Variants in CELF6 observed in about 807,000 individuals in gnomAD.
The protein encoded by CELF6 is Bruno -like 6, RNA binding protein.
In CELF6, 32 loss-of-function variants were observed where a neutral mutation model predicts 53.1. The ratio of observed to expected loss-of-function variants is 0.60; its 90% CI spans 0.46 to 0.81. The LOEUF (loss-of-function observed/expected upper bound fraction) is 0.81, where lower values mean the gene tolerates loss of function less well. CELF6 is among the 30% of genes least tolerant of loss of function. The probability of loss-of-function intolerance (pLI) is 0.00; values close to 1 mark genes in which losing one functional copy is unlikely to be tolerated. For synonymous variants in CELF6, 291 were observed against 288.8 expected, an observed-to-expected ratio of 1.01 and a Z score of -0.08; for missense variants, 539 against 669.5, an observed-to-expected ratio of 0.81 and a Z score of 2.15.
At position 72,287,310 on chromosome 15, in the gene CELF6, G is replaced by T; in HGVS notation, c.1401C>A (p.Leu467=). ...CCTTGGGCCGCTTTAGCTGGACCTTGAGCCTCTTCATGCCAATTTGAAAGC... is the reference window on the plus strand; with the variant it reads ...CCTTGGGCCGCTTTAGCTGGACCTTTAGCCTCTTCATGCCAATTTGAAAGC... ...MNGFQIGMKR[L]KVQLKRPKDA... Residue 467 remains leucine (L), a synonymous_variant, in exon 12 of 13, where the codon CTC becomes CTA. Coordinates refer to ENST00000287202, the MANE Select transcript of CELF6 (RefSeq NM_052840.5). The T allele has an allele frequency of 6.2e-7, 1 of 1,614,194 alleles. No homozygotes were observed. Among genetic ancestry groups the T allele is most frequent in the South Asian group, 1.1e-5 (1 of 91,084 alleles).
chr15:72,290,820 G>C (rs1429927503), intron 3 of CELF6, among the ~76,000 whole-genome samples: 1 of 152,066 alleles, frequency 6.6e-6, no homozygotes, highest in Non-Finnish European at 1.5e-5. Context: ...CTCATCTTTA[G>C]GCACTGAGCA....
chr15:72,314,589 G>GTTTTTTT (rs984879836), intron 2 of CELF6, among the ~76,000 whole-genome samples: 4 of 97,842 alleles, frequency 4.1e-5, no homozygotes, highest in Non-Finnish European at 5.7e-5. Flanking sequence ...AAAACCCAGT[G>GTTTTTTT]TTTTTTTTTT....
At chr15:72,311,836 T>C (rs1231064874) in intron 2 of CELF6, among the ~76,000 whole-genome samples, 1 of 152,336 alleles carries the variant, frequency 6.6e-6, no homozygotes, top group East Asian at 1.9e-4. Context: ...TGAGAAAAAA[T>C]GTGCCCTTTC....
chr15:72,307,375 C>A (rs770525974), intron 2 of CELF6, among the ~76,000 whole-genome samples: 1 of 152,206 alleles, frequency 6.6e-6, no homozygotes, highest in Non-Finnish European at 1.5e-5. Flanking sequence ...CTGTGATGAG[C>A]CCCAGGCAGC....
rs757176882 is a variant in CELF6, at chr15:72,289,230, A to C, written c.938T>G (p.Ile313Ser). 5.1e-6 allele frequency: 8 copies of C among 1,576,494 alleles called. No homozygotes were observed. The highest frequency in any genetic ancestry group is 1.7e-4 in the Middle Eastern group (1 of 5,956). ...PGTLPGLPAP[I>S]GVNGFGPLTP... is the part of the protein sequence containing the mutation. ...CAGAGGGCCGAATCCATTGACCCCGATGGGCGCCGGAAGACCTGGGAGGGT... is the reference window on the plus strand; with the variant it reads ...CAGAGGGCCGAATCCATTGACCCCGCTGGGCGCCGGAAGACCTGGGAGGGT... The change falls in exon 8 of 13, where the codon ATC becomes AGC. Residue 313 changes from isoleucine to serine, a missense_variant. Ile to Ser is a moderately radical substitution (Grantham distance 142). Around this residue, in one of 3 missense-constraint regions of CELF6, gnomAD observed 358 missense variants for 412.8 expected, o/e 0.87. Coordinates refer to ENST00000287202, the MANE Select transcript of CELF6 (RefSeq NM_052840.5). This position sits in a 1 kb window ranked among gnomAD's most constrained non-coding sequence, Gnocchi z 7.6.
intron 3 of CELF6, among the ~76,000 whole-genome samples, chr15:72,303,342 C>T (rs567943315): frequency 6.6e-6 from 1 of 152,320 alleles, no homozygotes; most frequent in South Asian, 2.1e-4. Context: ...GAGGAGGAAA[C>T]TTGGAAATAT....
At chr15:72,287,206 C>T (rs2087933268) in intron 12 of CELF6, 31 bp downstream of exon 12, 2 of 1,588,988 alleles carry the variant, frequency 1.3e-6, no homozygotes, top group Non-Finnish European at 1.7e-6. Context: ...TCACTCAGGC[C>T]TCATCTACCT....
chr15:72,287,458 C>A, intron 11 of CELF6, 66 bp from the exon 12 acceptor site: 1 of 1,584,138 alleles, frequency 6.3e-7, no homozygotes, highest in Non-Finnish European at 8.6e-7. Flanking sequence ...TCTCTCTGAC[C>A]AGCCCCCTCC....
intron 3 of CELF6, among the ~76,000 whole-genome samples, chr15:72,299,441 C>T (rs934891262): frequency 6.7e-6 from 1 of 148,824 alleles, no homozygotes; most frequent in African/African-American, 2.5e-5. Flanking sequence ...CTCACTGCAA[C>T]CTCCGCCTCC....
chr15:72,313,636 C>G (rs1166999981), intron 2 of CELF6: 1 of 345,996 alleles, frequency 2.9e-6, no homozygotes, highest in Non-Finnish European at 4.1e-6. Context: ...GGGCCTCCCC[C>G]ACAGTGCCAG....
At chr15:72,300,385 A>T (rs891575506) in intron 3 of CELF6, among the ~76,000 whole-genome samples, 61 of 151,978 alleles carry the variant, frequency 4.0e-4, no homozygotes, top group Admixed American at 3.3e-4. Context: ...AAAGTAAATA[A>T]ACAGACAAAT....
intron 2 of CELF6, among the ~76,000 whole-genome samples, chr15:72,309,464 C>T (rs2140303838): frequency 6.6e-6 from 1 of 152,178 alleles, no homozygotes. Flanking sequence ...ATTGGCTGAG[C>T]CTCAGGTTCA....
chr15:72,319,638 C>T lies in CELF6; in HGVS notation c.237G>A (p.Lys79=), dbSNP rs1223226768. ...FGRIYELTVL[K]DRLTGLHKGC... Reference sequence around the variant, plus strand: ...CTTTGTGGAGGCCGGTGAGCCGGTCCTTCAGCACCGTCAGCTCGTAGATGC... The same window carrying T: ...CTTTGTGGAGGCCGGTGAGCCGGTCTTTCAGCACCGTCAGCTCGTAGATGC... The change falls in exon 1 of 13, where the codon AAG becomes AAA. Residue 79 remains lysine (K), a synonymous_variant. Coordinates refer to ENST00000287202, the MANE Select transcript of CELF6 (RefSeq NM_052840.5). This position sits in a 1 kb window ranked among gnomAD's most constrained non-coding sequence, Gnocchi z 5.0. 1.3e-6 allele frequency: 2 copies of T among 1,565,444 alleles called. No individual in the cohort carries two copies. Among genetic ancestry groups the T allele is most frequent in the South Asian group, 1.2e-5 (1 of 85,422 alleles).
chr15:72,306,170 A>T (rs1299573832), intron 2 of CELF6: 2 of 975,350 alleles, frequency 2.1e-6, no homozygotes, highest in Non-Finnish European at 2.4e-6. Context: ...TGGGGATCAC[A>T]TGAGGTAATG....
intron 3 of CELF6, among the ~76,000 whole-genome samples, chr15:72,302,396 C>A (rs1359026708): frequency 6.6e-6 from 1 of 152,222 alleles, no homozygotes; most frequent in Non-Finnish European, 1.5e-5. Context: ...ATGAGTTCTG[C>A]TGCCAGGCAA....
chr15:72,286,374 T>C (rs545348833), intron 12 of CELF6, 32 bp from the exon 13 acceptor site: 6 of 152,742 alleles, frequency 3.9e-5, no homozygotes, highest in African/African-American at 1.4e-4. Context: ...TAAGGAGAGA[T>C]AGGGGGGAAA....
intron 2 of CELF6, among the ~76,000 whole-genome samples, chr15:72,308,471 C>A (rs1427468731): frequency 4.6e-5 from 7 of 152,120 alleles, no homozygotes; most frequent in Non-Finnish European, 7.3e-5. Context: ...AGGTGATCTG[C>A]CTGCCTCGGC....
At chr15:72,309,583 G>A (rs1364327852) in intron 2 of CELF6, among the ~76,000 whole-genome samples, 2 of 152,150 alleles carry the variant, frequency 1.3e-5, no homozygotes, top group Non-Finnish European at 1.5e-5. Flanking sequence ...GCAGGGCTCT[G>A]AGCCTTCAGT....
intron 2 of CELF6, among the ~76,000 whole-genome samples, chr15:72,308,695 T>A (rs375748276): frequency 2.2e-4 from 33 of 152,266 alleles, no homozygotes; most frequent in East Asian, 1.5e-3. Context: ...TGTTTTTTTT[T>A]AAACATTTTT....
Sources: gnomAD v4.1 joint callset for allele counts (sites outside exome capture counted in the v4.1 genomes callset) on GRCh38, gnomAD v4.1.1 for gene constraint, gnomAD v4.1.1 regional missense constraint, Gnocchi (gnomAD v3.1) non-coding constraint, MANE v1.5 for transcripts, NCBI Gene and HGNC (gene_info 2026-07-23, HGNC 2026-07-21) for gene names.